The following ACOT11 variants were observed in gnomAD, a reference collection of about 807,000 sequenced individuals.
ACOT11 encodes the protein acyl-coenzyme A thioesterase 11.
Under a neutral mutation model 77.5 loss-of-function variants are expected in ACOT11, and 69 were observed. The ratio of observed to expected loss-of-function variants is 0.89; its 90% confidence interval spans 0.73 to 1.09. The LOEUF is 1.09. Among genes scored for constraint, ACOT11 ranks in the 50% least tolerant of loss-of-function variants. The pLI is 0.00. For synonymous variants in ACOT11, 279 were observed against 313.0 expected (o/e 0.89, Z 1.15); for missense variants, 766 against 813.7 (o/e 0.94, Z 0.71).
rs769674051 is a variant in ACOT11 at position 54,593,983 on chromosome 1, C to T, written c.415C>T (p.Gln139Ter). ...CTCGGAGGACCTGTGCTCTGAGAAG[C>T]AGTGGAATGTGTGCAAGGCCTTGGC... ...VASEDLCSEK[Q>*]WNVCKALATF... Residue 139 changes from glutamine (Q) to a stop codon, truncating the protein, a stop_gained, in exon 5 of 16, where the codon CAG (glutamine) becomes TAG (stop). Transcript: ENST00000343744. LOFTEE classifies it high-confidence loss of function. 1 of 1,614,200 alleles carries T rather than the reference C, an allele frequency of 6.2e-7. No homozygotes were observed. Among genetic ancestry groups the T allele is most frequent in the Non-Finnish European group, 8.5e-7 (1 of 1,180,032 alleles).
chr1:54,634,787 CT>C, exon 17 of ACOT11: 1 of 697,890 alleles, frequency 1.4e-6, no homozygotes, highest in Non-Finnish European at 2.6e-6. Flanking sequence ...AGAGGACCCC[CT>C]GGTTGCAGCC....
rs942815231 is a variant in ACOT11, at chr1:54,630,120, C to T, written c.1630-614C>T. ...TTCACCATGTTGACCAGGATGGTCT[C>T]GATCTCTTGACCTCGTGATCCACCT... On this transcript the variant is annotated intron_variant, in intron 15 of 16. Coordinates refer to the ACOT11 transcript ENST00000371316. 4.5e-5 allele frequency among the ~76,000 whole-genome samples: 6 copies of T among 133,562 alleles called. 2 individuals are homozygous for T. The highest frequency in any genetic ancestry group is 7.6e-5 in the Admixed American group (1 of 13,182). The allele number at this position is 133,562 out of a possible 152,430, so 87.6% of individuals were successfully genotyped here.
chr1:54,564,263 TAAAAAAAG>T (rs988484538), intron 1 of ACOT11, among the ~76,000 whole-genome samples: 7 of 151,364 alleles, frequency 4.6e-5, no homozygotes, highest in Non-Finnish European at 7.4e-5. Flanking sequence ...AAAAATAAAA[TAAAAAAAG>T]AAAAAAAGAA....
intron 4 of ACOT11, 107 bp downstream of exon 4, chr1:54,592,713 T>C: frequency 8.7e-7 from 1 of 1,155,146 alleles, no homozygotes; most frequent in Non-Finnish European, 1.2e-6. Context: ...TGCAGGGCCC[T>C]GATTAGAGCA....
At chr1:54,606,732 A>T (rs967084505) in intron 13 of ACOT11, among the ~76,000 whole-genome samples, 5 of 152,238 alleles carry the variant, frequency 3.3e-5, no homozygotes, top group African/African-American at 1.2e-4. Flanking sequence ...AGTAAATATT[A>T]AGAACAACTG....
chr1:54,636,308 G>A (rs151127359), exon 17 of ACOT11: 2 of 152,186 alleles, frequency 1.3e-5, no homozygotes, highest in African/African-American at 4.8e-5. Context: ...GATCATTATC[G>A]AGCATGGCAG....
intron 1 of ACOT11, among the ~76,000 whole-genome samples, chr1:54,574,846 A>T (rs1368039628): frequency 1.3e-5 from 2 of 152,252 alleles, no homozygotes; most frequent in Non-Finnish European, 2.9e-5. Flanking sequence ...CATCCAGCCC[A>T]GCTGCTGCAT....
downstream of ACOT11, among the ~76,000 whole-genome samples, chr1:54,611,381 CAG>C (rs59744478): frequency 8.5e-3 from 1,289 of 152,282 alleles, 16 homozygotes; most frequent in African/African-American, 0.029. Context: ...GCCTGGGTGA[CAG>C]AGTCAGACTA....
In ACOT11 at chr1:54,628,601, C is replaced by T. The variant is rs1013710846; in HGVS notation, c.1630-2133C>T. Reference sequence around the variant, plus strand: ...CAGAGCAAGACCCCATCGCCCCCCCCCCCCAAAAAAGGAAAAAAGAAACCC... The same window carrying T: ...CAGAGCAAGACCCCATCGCCCCCCCTCCCCAAAAAAGGAAAAAAGAAACCC... On this transcript the variant is annotated intron_variant, in intron 15 of 16. Coordinates refer to the ACOT11 transcript ENST00000371316. Among the ~76,000 whole-genome samples the T allele has an allele frequency of 4.9e-5, 6 of 123,604 alleles. 1 individual carries two copies. The highest frequency in any genetic ancestry group is 5.9e-4 in the South Asian group (2 of 3,414). 81.1% of individuals were successfully genotyped at this position (123,604 alleles called of 152,430 possible).
intron 1 of ACOT11, among the ~76,000 whole-genome samples, chr1:54,554,323 GTGTGTGTGTGTA>G (rs1434257517): frequency 1.1e-4 from 9 of 80,662 alleles, no homozygotes; most frequent in East Asian, 6.2e-4. Context: ...GTGTGTGTGT[GTGTGTGTGTGTA>G]TATATATATA....
At chr1:54,585,646 G>A (rs1483502828) in intron 2 of ACOT11, among the ~76,000 whole-genome samples, 189 bp from the exon 3 acceptor site, 1 of 152,178 alleles carries the variant, frequency 6.6e-6, no homozygotes, top group Admixed American at 6.5e-5. Context: ...CAGACGAAAA[G>A]CAGATATACA....
chr1:54,583,023 C>T (rs12122912), intron 1 of ACOT11, among the ~76,000 whole-genome samples: 227 of 152,264 alleles, frequency 1.5e-3, no homozygotes, highest in Middle Eastern at 0.01. Context: ...GCCAGCCACC[C>T]GTATCCATGC....
intron 15 of ACOT11, among the ~76,000 whole-genome samples, chr1:54,627,749 G>A (rs1644279360): frequency 7.4e-6 from 1 of 134,232 alleles, no homozygotes; most frequent in African/African-American, 2.5e-5. Flanking sequence ...CAAACTCCTG[G>A]GTGGGCCAGG....
intron 3 of ACOT11, among the ~76,000 whole-genome samples, chr1:54,590,030 G>A (rs1005046347): frequency 6.6e-6 from 1 of 151,794 alleles, no homozygotes; most frequent in Non-Finnish European, 1.5e-5. Context: ...AGAGCTTGCA[G>A]TGAGCCGAGA....
At chr1:54,575,136 C>T (rs550849810) in intron 1 of ACOT11, among the ~76,000 whole-genome samples, 14 of 152,296 alleles carry the variant, frequency 9.2e-5, no homozygotes, top group South Asian at 2.1e-4. Flanking sequence ...CTATTCACCT[C>T]GTGGTGCCGA....
chr1:54,632,737 C>A (rs4927143), intron 16 of ACOT11, among the ~76,000 whole-genome samples: 43,252 of 152,112 alleles, frequency 0.28, 6,807 homozygotes, highest in Middle Eastern at 0.4. Context: ...TTGGTAGATA[C>A]AAGAACGGAC....
chr1:54,582,666 T>C (rs982584169), intron 1 of ACOT11: 1 of 341,254 alleles, frequency 2.9e-6, no homozygotes, highest in Non-Finnish European at 4.1e-6. Flanking sequence ...CCGTGTTCCC[T>C]TGTTGGTGAA....
At chr1:54,611,835 C>T (rs1279788985), downstream of ACOT11, 9 of 1,515,736 alleles carry the variant, frequency 5.9e-6, no homozygotes, top group South Asian at 2.4e-5. Context: ...GTCAGCTGGG[C>T]GCAGGGTAGA....
chr1:54,560,187 A>G (rs1266024346), intron 1 of ACOT11, among the ~76,000 whole-genome samples: 1 of 152,190 alleles, frequency 6.6e-6, no homozygotes, highest in Non-Finnish European at 1.5e-5. Context: ...CAAACCTACT[A>G]TGGCAGCACA....
Sources: allele counts gnomAD v4.1 joint callset (sites outside exome capture counted in the v4.1 genomes callset), GRCh38; gene constraint gnomAD v4.1.1; transcripts MANE v1.5; gene names NCBI Gene and HGNC (gene_info 2026-07-23, HGNC 2026-07-21).